FA2H: variants seen among roughly 807,000 people sequenced by gnomAD.
FA2H encodes fatty acid 2-hydroxylase, also known as fatty acid alpha-hydroxylase.
Under a neutral mutation model 44.9 loss-of-function variants are expected in FA2H, and 22 were observed. The ratio of observed to expected loss-of-function variants is 0.49; its 90% CI spans 0.35 to 0.70. The LOEUF is 0.70. Among genes scored for constraint, FA2H ranks in the 30% least tolerant of loss-of-function variants. The pLI is 0.01. For missense variants in FA2H, 501 were observed against 504.9 expected, an observed-to-expected ratio of 0.99 and a Z score of 0.07; for synonymous variants, 243 against 213.2, an observed-to-expected ratio of 1.14 and a Z score of -1.22.
At chr16:74,761,701 CAA>C (rs1390685006) in intron 1 of FA2H, among the ~76,000 whole-genome samples, 1 of 152,150 alleles carries the variant, frequency 6.6e-6, no homozygotes, top group East Asian at 1.9e-4. Context: ...CCCATCTAGG[CAA>C]AGTGTTCTCT....
At chr16:74,761,458 A>G (rs1004487497) in intron 1 of FA2H, among the ~76,000 whole-genome samples, 6 of 93,670 alleles carry the variant, frequency 6.4e-5, no homozygotes, top group East Asian at 8.3e-4. Context: ...GTCTCAAAAA[A>G]AAAGAAAGAA....
At chr16:74,745,715 C>T (rs893189292) in intron 1 of FA2H, among the ~76,000 whole-genome samples, 7 of 151,996 alleles carry the variant, frequency 4.6e-5, no homozygotes, top group African/African-American at 7.2e-5. Flanking sequence ...CCCAGCACAA[C>T]GCCAATTCCT....
rs1254375156 is a variant in FA2H at position 74,722,536 on chromosome 16, A to G, written c.614-3376T>C. 2.6e-5 allele frequency among the ~76,000 whole-genome samples: 4 copies of G among 152,022 alleles called. No individual in the cohort carries two copies. In the East Asian group the frequency reaches 7.8e-4, roughly 29 times the overall value. On this transcript the variant is annotated intron_variant, in intron 4 of 6. Coordinates refer to ENST00000219368, the MANE Select transcript of FA2H (RefSeq NM_024306.5). ...GGATGACAGAGCAAGACCCTGTCTCAAAAAGAAAAAAAGAAAAGAAAACGT... is the reference window on the plus strand; with the variant it reads ...GGATGACAGAGCAAGACCCTGTCTCGAAAAGAAAAAAAGAAAAGAAAACGT...
chr16:74,760,558 G>T (rs1176065863), intron 1 of FA2H, among the ~76,000 whole-genome samples: 1 of 152,086 alleles, frequency 6.6e-6, no homozygotes, highest in Non-Finnish European at 1.5e-5. Context: ...TGAGCGTGCA[G>T]GGAGTCAATG....
At chr16:74,739,999 C>G in intron 2 of FA2H, 24 bp downstream of exon 2, 1 of 1,566,818 alleles carries the variant, frequency 6.4e-7, no homozygotes, top group Non-Finnish European at 8.8e-7. Flanking sequence ...CAGTCATCAC[C>G]CCACTCCATC....
intron 1 of FA2H, among the ~76,000 whole-genome samples, chr16:74,755,867 T>A (rs962985380): frequency 6.8e-6 from 1 of 147,806 alleles, no homozygotes; most frequent in African/African-American, 2.6e-5. Context: ...TAAGCGTAAT[T>A]TTCATATAGT....
chr16:74,773,594 C>T (rs8060979), intron 1 of FA2H, among the ~76,000 whole-genome samples: 49,998 of 152,022 alleles, frequency 0.33, 8,709 homozygotes, highest in African/African-American at 0.41. Flanking sequence ...CACCCGAAGA[C>T]TTTTGGGATG....
At chr16:74,715,366 A>G (rs1363493545) in intron 6 of FA2H, among the ~76,000 whole-genome samples, 1 of 152,058 alleles carries the variant, frequency 6.6e-6, no homozygotes, top group Non-Finnish European at 1.5e-5. Flanking sequence ...ATCATAGCTC[A>G]TTGCTGCCTC....
chr16:74,774,720 C>G lies in FA2H; in HGVS notation c.36G>C (p.Ser12=). The G allele has an allele frequency of 1.5e-6, 2 of 1,337,702 alleles. No homozygotes were observed. Among genetic ancestry groups the G allele is most frequent in the South Asian group, 2.1e-5 (1 of 48,038 alleles). 82.9% of individuals were successfully genotyped at this position (1,337,702 alleles called of 1,614,324 possible). A position where few individuals can be genotyped will look rare whatever the true frequency, so the allele number is the denominator to read the frequency against. Residue 12 remains serine (S), a synonymous_variant, in exon 1 of 7, where the codon TCG becomes TCC. Coordinates refer to ENST00000219368, the MANE Select transcript of FA2H (RefSeq NM_024306.5). ...CCAGGCGCCGCTGGACCTCGGAGGGCGAGAAGGAGGCGGCGGGGGGCGGAG... is the reference window on the plus strand; with the variant it reads ...CCAGGCGCCGCTGGACCTCGGAGGGGGAGAAGGAGGCGGCGGGGGGCGGAG... The part of the protein sequence containing the change: ...APAPPPAASF[S]PSEVQRRLAA...
chr16:74,767,091 G>T (rs146892672), intron 1 of FA2H, among the ~76,000 whole-genome samples: 3 of 152,076 alleles, frequency 2.0e-5, no homozygotes, highest in South Asian at 4.1e-4. Context: ...CAGGCAAATC[G>T]CGAGGTTAAG....
chr16:74,749,375 C>T (rs2144646084), intron 1 of FA2H, among the ~76,000 whole-genome samples: 1 of 152,128 alleles, frequency 6.6e-6, no homozygotes, highest in East Asian at 1.9e-4. Context: ...CCTCGCCCTC[C>T]CCGCAGTCAT....
chr16:74,764,402 G>A (rs1962768385), intron 1 of FA2H, among the ~76,000 whole-genome samples: 1 of 152,198 alleles, frequency 6.6e-6, no homozygotes, highest in African/African-American at 2.4e-5. Context: ...AAAAGAACGA[G>A]ATCATGTCCC....
intron 2 of FA2H, among the ~76,000 whole-genome samples, chr16:74,733,378 G>T (rs1355764217): frequency 1.3e-5 from 2 of 152,140 alleles, no homozygotes; most frequent in Admixed American, 1.3e-4. Context: ...TGAGGATATT[G>T]AGGCCTGAGA....
At chr16:74,740,883 A>C (rs1034857401) in intron 1 of FA2H, among the ~76,000 whole-genome samples, 13 of 152,080 alleles carry the variant, frequency 8.5e-5, no homozygotes, top group African/African-American at 3.1e-4. Flanking sequence ...CTGATGAGTC[A>C]CAGGCTGTGG....
intron 2 of FA2H, among the ~76,000 whole-genome samples, chr16:74,739,745 G>A (rs941613637): frequency 4.6e-5 from 7 of 152,176 alleles, no homozygotes; most frequent in African/African-American, 9.7e-5. Context: ...GGGTCCTGGC[G>A]GGAGAATTCT....
rs558655765 is a variant in FA2H at position 74,771,176 on chromosome 16, T to G, written c.270+3310A>C. The stretch of plus-strand genomic sequence containing the variant: ...CTCTCTTATTTCCTGCACTCAGTTT[T>G]TCTTTTCTTTTCTTTTTCCTTTTCT... On this transcript the variant is annotated intron_variant, in intron 1 of 6. Coordinates refer to ENST00000219368, the MANE Select transcript of FA2H (RefSeq NM_024306.5). Among the ~76,000 whole-genome samples the G allele has an allele frequency of 2.7e-3, 408 of 152,246 alleles. 1 individual carries two copies. Among genetic ancestry groups the G allele is most frequent in the South Asian group, 5.8e-3 (28 of 4,812 alleles).
intron 1 of FA2H, among the ~76,000 whole-genome samples, chr16:74,741,445 G>A (rs1402244124): frequency 6.6e-6 from 1 of 152,178 alleles, no homozygotes; most frequent in Admixed American, 6.6e-5. Flanking sequence ...AGCATATTTA[G>A]TCTGTATCAT....
intron 2 of FA2H, 108 bp from the exon 3 acceptor site, chr16:74,727,494 G>A: frequency 3.2e-6 from 4 of 1,233,464 alleles, no homozygotes; most frequent in Non-Finnish European, 4.7e-6. Flanking sequence ...CTCAGCTCCT[G>A]TGATCTGTGT....
At chr16:74,726,394 CTT>C (rs11295057) in intron 3 of FA2H, 63 bp from the exon 4 acceptor site, 3,353 of 764,658 alleles carry the variant, frequency 4.4e-3, no homozygotes, top group Middle Eastern at 6.0e-3. Flanking sequence ...GTACAGCTTT[CTT>C]TTTTTTTTTG....
Sources: gnomAD v4.1 joint callset for allele counts (sites outside exome capture counted in the v4.1 genomes callset) on GRCh38, gnomAD v4.1.1 for gene constraint, MANE v1.5 for transcripts, NCBI Gene and HGNC (gene_info 2026-07-23, HGNC 2026-07-21) for gene names.